The following ANKS1B variants were observed in gnomAD, a reference collection of about 807,000 sequenced individuals.
ANKS1B encodes ankyrin repeat and sterile alpha motif domain-containing protein 1B.
Under a neutral mutation model 148.3 loss-of-function variants are expected in ANKS1B, and 36 were observed. That is an observed-to-expected ratio of 0.24 (90% CI 0.19 to 0.32). The LOEUF is 0.32. Ranked by LOEUF, ANKS1B falls within the 10% of genes least tolerant of loss-of-function variation. The probability of loss-of-function intolerance (pLI) is 1.00; values close to 1 mark genes in which losing one functional copy is unlikely to be tolerated. For missense variants in ANKS1B, 1,157 were observed against 1,542.6 expected, an observed-to-expected ratio of 0.75 and a Z score of 4.19; for synonymous variants, 542 against 560.8, an observed-to-expected ratio of 0.97 and a Z score of 0.47.
chr12:99,553,119 T>C (rs540145108), intron 9 of ANKS1B, among the ~76,000 whole-genome samples: 5 of 152,136 alleles, frequency 3.3e-5, no homozygotes, highest in Non-Finnish European at 7.4e-5. Context: ...ATGCATATAT[T>C]TTTCACAATA....
intron 12 of ANKS1B, among the ~76,000 whole-genome samples, chr12:99,259,512 G>C (rs1195767356): frequency 1.3e-5 from 2 of 152,200 alleles, no homozygotes; most frequent in Admixed American, 1.3e-4. Flanking sequence ...CATGCTGTTT[G>C]ACTCTGATTT....
At chr12:98,879,144 A>AT in intron 17 of ANKS1B, among the ~76,000 whole-genome samples, 1 of 152,208 alleles carries the variant, frequency 6.6e-6, no homozygotes. Context: ...GCTTATGCCT[A>AT]ACTTTGGTGA....
At chr12:98,925,061 G>T (rs2099806302) in intron 17 of ANKS1B, among the ~76,000 whole-genome samples, 1 of 152,126 alleles carries the variant, frequency 6.6e-6, no homozygotes, top group Admixed American at 6.6e-5. Context: ...GTTCTATTAT[G>T]TGCAACTGAT....
intron 18 of ANKS1B, chr12:98,831,164 G>T (rs2099311978): frequency 6.6e-6 from 1 of 151,710 alleles, no homozygotes; most frequent in Non-Finnish European, 1.5e-5. Context: ...AGCCAGGATG[G>T]TCTAGATCTC....
At chr12:98,749,445 C>T (rs2098012255) in intron 26 of ANKS1B, among the ~76,000 whole-genome samples, 1 of 151,946 alleles carries the variant, frequency 6.6e-6, no homozygotes, top group African/African-American at 2.4e-5. Flanking sequence ...AGACAATAAG[C>T]CATCAGTAAA....
chr12:99,751,286 C>T (rs1280508543), intron 8 of ANKS1B, among the ~76,000 whole-genome samples: 2 of 151,754 alleles, frequency 1.3e-5, no homozygotes, highest in African/African-American at 2.4e-5. Flanking sequence ...ATAATGTAAC[C>T]TCTTATTAAA....
intron 8 of ANKS1B, among the ~76,000 whole-genome samples, chr12:99,740,417 C>T (rs1389075550): frequency 6.6e-6 from 1 of 152,060 alleles, no homozygotes; most frequent in East Asian, 1.9e-4. Context: ...TGAAATATTC[C>T]AGGAATCAGA....
At chr12:99,699,981 G>A (rs1000714823) in intron 8 of ANKS1B, among the ~76,000 whole-genome samples, 1 of 152,120 alleles carries the variant, frequency 6.6e-6, no homozygotes, top group Non-Finnish European at 1.5e-5. Flanking sequence ...AGTCTATTTT[G>A]TAAGTTGGAA....
chr12:99,487,582 G>A (rs1390869241), intron 10 of ANKS1B, among the ~76,000 whole-genome samples: 1 of 149,982 alleles, frequency 6.7e-6, no homozygotes, highest in African/African-American at 2.4e-5. Flanking sequence ...CTACAAGCAT[G>A]TATGTCTTTA....
chr12:99,853,292 G>A (rs891775721), intron 1 of ANKS1B, among the ~76,000 whole-genome samples: 2 of 152,052 alleles, frequency 1.3e-5, no homozygotes, highest in African/African-American at 2.4e-5. Context: ...CAAAACCAGG[G>A]CACTTAAAAA....
intron 14 of ANKS1B, among the ~76,000 whole-genome samples, chr12:99,237,509 C>T (rs1295154979): frequency 1.3e-5 from 2 of 152,034 alleles, no homozygotes; most frequent in African/African-American, 4.8e-5. Flanking sequence ...GAAAATAATA[C>T]TTAGTAAGAG....
At position 99,391,434 on chromosome 12, in the gene ANKS1B, T is replaced by A. The variant is rs572315461; in HGVS notation, c.1756+8197A>T. On this transcript the variant is annotated intron_variant, in intron 12 of 26. Transcript: ENST00000683438. ...TTAATTTCTACCACAGGGATTTTTT[T>A]AAATATGCTATTCCTTCTTTAAAGA... Among the ~76,000 whole-genome samples the A allele has an allele frequency of 1.1e-4, 17 of 152,330 alleles. No homozygotes were observed. The East Asian group carries it at 1.7e-3, about 16-fold the overall frequency.
chr12:99,073,144 C>G (rs2046783481), intron 16 of ANKS1B, among the ~76,000 whole-genome samples: 2 of 152,126 alleles, frequency 1.3e-5, no homozygotes, highest in African/African-American at 2.4e-5. Flanking sequence ...CAAATATTGA[C>G]CCATTTAATT....
chr12:99,028,666 A>G (rs1332920815), intron 17 of ANKS1B, among the ~76,000 whole-genome samples: 1 of 152,246 alleles, frequency 6.6e-6, no homozygotes, highest in African/African-American at 2.4e-5. Flanking sequence ...ATTTTACTTC[A>G]ATCAATCCTT....
intron 9 of ANKS1B, among the ~76,000 whole-genome samples, chr12:99,652,373 T>C (rs551658101): frequency 6.6e-6 from 1 of 152,034 alleles, no homozygotes; most frequent in African/African-American, 2.4e-5. Context: ...CTCAGGAAGC[T>C]GAGGCAGGAG....
intron 4 of ANKS1B, among the ~76,000 whole-genome samples, chr12:99,795,091 T>A (rs2066089539): frequency 1.3e-5 from 2 of 152,082 alleles, no homozygotes; most frequent in African/African-American, 4.8e-5. Flanking sequence ...ATTCAACATA[T>A]GTCTAATCAA....
At chr12:99,279,577 G>C (rs192013123) in intron 12 of ANKS1B, among the ~76,000 whole-genome samples, 5 of 152,138 alleles carry the variant, frequency 3.3e-5, no homozygotes, top group Non-Finnish European at 2.9e-5. Flanking sequence ...GGGGTGGGGT[G>C]GGGGGAGGTT....
chr12:99,697,343 C>T (rs191840387), intron 8 of ANKS1B, among the ~76,000 whole-genome samples: 5 of 152,240 alleles, frequency 3.3e-5, no homozygotes, highest in Admixed American at 3.3e-4. Flanking sequence ...AAATGTCTTT[C>T]AGTCAGTGGA....
At chr12:99,539,853 A>G (rs2097108334) in intron 9 of ANKS1B, among the ~76,000 whole-genome samples, 1 of 152,164 alleles carries the variant, frequency 6.6e-6, no homozygotes, top group African/African-American at 2.4e-5. Flanking sequence ...GAGATTACAG[A>G]CAAGCCACTG....
Sources: allele counts gnomAD v4.1 joint callset (sites outside exome capture counted in the v4.1 genomes callset), GRCh38; gene constraint gnomAD v4.1.1; transcripts MANE v1.5; gene names NCBI Gene and HGNC (gene_info 2026-07-23, HGNC 2026-07-21).